CNTN4: variants seen among roughly 807,000 people sequenced by gnomAD.
The protein encoded by CNTN4 is contactin-4.
A neutral mutation model predicts 122.5 loss-of-function variants in CNTN4; 77 were observed. The observed-to-expected ratio is 0.63, with a 90% CI of 0.52 to 0.76. The LOEUF is 0.76. CNTN4 is among the 30% of genes least tolerant of loss of function. The pLI, the probability that CNTN4 is intolerant of heterozygous loss-of-function variation, is 0.00. For missense variants in CNTN4, 1,256 were observed against 1,259.1 expected (o/e 1.00, Z 0.04); for synonymous variants, 512 against 447.0 (o/e 1.15, Z -1.83).
chr3:2,817,005 G>A (rs4342096), intron 6 of CNTN4, among the ~76,000 whole-genome samples: 1 of 152,088 alleles, frequency 6.6e-6, no homozygotes, highest in Non-Finnish European at 1.5e-5. Flanking sequence ...TCTTGACTTA[G>A]AAAAGTATCA....
chr3:2,590,045 G>A (rs933954443), intron 4 of CNTN4, among the ~76,000 whole-genome samples: 6 of 152,166 alleles, frequency 3.9e-5, no homozygotes, highest in Admixed American at 6.5e-5. Flanking sequence ...ATATTTGGAC[G>A]TAATTTCAAA....
chr3:2,841,867 T>C lies in CNTN4; in HGVS notation c.454+22286T>C, dbSNP rs1008433243. ...CCTAGGAGTAGGATCTAATCTTTTA[T>C]ATCACAGTAAGAAGCTGATCAAAGG... On this transcript the variant is annotated intron_variant, in intron 7 of 24. Transcript: ENST00000418658. The surrounding 1 kb of genome is among the most constrained non-coding windows in gnomAD (Gnocchi z 4.8). 6.6e-6 allele frequency among the ~76,000 whole-genome samples: 1 copy of C among 152,202 alleles called. No individual in the cohort carries two copies. Among genetic ancestry groups the C allele is most frequent in the Non-Finnish European group, 1.5e-5 (1 of 68,046 alleles).
At chr3:2,221,415 C>A (rs1378536205) in intron 2 of CNTN4, among the ~76,000 whole-genome samples, 1 of 150,862 alleles carries the variant, frequency 6.6e-6, no homozygotes, top group Non-Finnish European at 1.5e-5. Context: ...AAATTAATTA[C>A]AAATCATCTA....
chr3:2,147,669 C>T (rs2035309418), intron 2 of CNTN4, among the ~76,000 whole-genome samples: 1 of 152,254 alleles, frequency 6.6e-6, no homozygotes, highest in East Asian at 1.9e-4. Context: ...TTCACTGGCT[C>T]ACCATTATCT....
At position 2,672,805 on chromosome 3, in the gene CNTN4, T is replaced by C. The variant is rs1264948314; in HGVS notation, c.56-63410T>C. ...AGGACCCTTAATTGGTTTTTTAACA[T>C]TGAAATTCATTAACTAGTTTAGTAA... On this transcript the variant is annotated intron_variant, in intron 4 of 24. Coordinates refer to ENST00000418658, the MANE Select transcript of CNTN4 (RefSeq NM_175607.3). 2.0e-5 allele frequency among the ~76,000 whole-genome samples: 3 copies of C among 152,344 alleles called. No individual in the cohort carries two copies. In the South Asian group the frequency reaches 6.2e-4, roughly 32 times the overall value.
chr3:2,673,438 T>C (rs998021887), intron 4 of CNTN4, among the ~76,000 whole-genome samples: 2 of 152,166 alleles, frequency 1.3e-5, no homozygotes, highest in South Asian at 2.1e-4. Context: ...TTCCCATCAA[T>C]AGGTGGACTC....
intron 2 of CNTN4, among the ~76,000 whole-genome samples, chr3:2,233,992 G>A (rs76553414): frequency 0.015 from 2,321 of 152,150 alleles, 23 homozygotes; most frequent in Middle Eastern, 0.048. Flanking sequence ...CACGATTCCA[G>A]CAATGCCATA....
intron 3 of CNTN4, among the ~76,000 whole-genome samples, chr3:2,404,833 C>T (rs905045211): frequency 6.6e-6 from 1 of 151,984 alleles, no homozygotes; most frequent in Non-Finnish European, 1.5e-5. Flanking sequence ...CAGTTCTTTA[C>T]CCCCAAAATC....
At chr3:2,647,109 G>A (rs545488731) in intron 4 of CNTN4, among the ~76,000 whole-genome samples, 15 of 152,170 alleles carry the variant, frequency 9.9e-5, no homozygotes, top group Admixed American at 2.6e-4. Context: ...GGCCAGGCAC[G>A]GTGGCTCACA....
intron 3 of CNTN4, among the ~76,000 whole-genome samples, chr3:2,406,258 G>T (rs1204027382): frequency 6.6e-6 from 1 of 152,060 alleles, no homozygotes; most frequent in Non-Finnish European, 1.5e-5. Context: ...TAATATCAAT[G>T]GTAAGACATT....
chr3:2,347,861 T>A (rs889181349), intron 3 of CNTN4, among the ~76,000 whole-genome samples: 1 of 152,128 alleles, frequency 6.6e-6, no homozygotes, highest in African/African-American at 2.4e-5. Context: ...ATCTTTTTTT[T>A]AAGTCATGTT....
chr3:2,966,895 T>C (rs1026895095), intron 13 of CNTN4, among the ~76,000 whole-genome samples: 2 of 152,204 alleles, frequency 1.3e-5, no homozygotes, highest in African/African-American at 2.4e-5. Flanking sequence ...TTTGACTATA[T>C]TGACTGGTGG....
chr3:2,990,173 A>T (rs1694931955), intron 14 of CNTN4, among the ~76,000 whole-genome samples: 1 of 152,236 alleles, frequency 6.6e-6, no homozygotes, highest in Admixed American at 6.5e-5. Flanking sequence ...GTTTATAAAC[A>T]TGTTTTCATA....
At chr3:2,964,310 A>C (rs772334250) in intron 13 of CNTN4, among the ~76,000 whole-genome samples, 1 of 152,320 alleles carries the variant, frequency 6.6e-6, no homozygotes, top group African/African-American at 2.4e-5. Context: ...AATTAGACTG[A>C]GATCTAGCAA....
chr3:2,588,063 TATTA>T (rs2080286928), intron 4 of CNTN4, among the ~76,000 whole-genome samples: 1 of 152,108 alleles, frequency 6.6e-6, no homozygotes, highest in Non-Finnish European at 1.5e-5. Flanking sequence ...TTTAATTTTT[TATTA>T]ATTATGTTTT....
intron 3 of CNTN4, among the ~76,000 whole-genome samples, chr3:2,449,915 A>G (rs2048764563): frequency 6.6e-6 from 1 of 152,192 alleles, no homozygotes; most frequent in African/African-American, 2.4e-5. Flanking sequence ...GAAGCAGGGA[A>G]TGGGATGCAG....
intron 4 of CNTN4, among the ~76,000 whole-genome samples, chr3:2,638,485 C>T (rs760904888): frequency 6.6e-6 from 1 of 151,660 alleles, no homozygotes; most frequent in Non-Finnish European, 1.5e-5. Flanking sequence ...AATGAAGAAA[C>T]ATTTATCTTT....
chr3:2,453,296 T>C (rs1284186932), intron 3 of CNTN4, among the ~76,000 whole-genome samples: 1 of 152,132 alleles, frequency 6.6e-6, no homozygotes, highest in Non-Finnish European at 1.5e-5. Flanking sequence ...GAACTTTTCA[T>C]GTGAATGCCA....
intron 3 of CNTN4, among the ~76,000 whole-genome samples, chr3:2,520,312 G>A (rs954510059): frequency 1.7e-5 from 2 of 118,664 alleles, no homozygotes; most frequent in Non-Finnish European, 3.2e-5. Flanking sequence ...TCACTCTGTA[G>A]CCCAGGCTGG....
Sources: allele counts gnomAD v4.1 joint callset (sites outside exome capture counted in the v4.1 genomes callset), GRCh38; gene constraint gnomAD v4.1.1; non-coding constraint Gnocchi (gnomAD v3.1); transcripts MANE v1.5; gene names NCBI Gene and HGNC (gene_info 2026-07-23, HGNC 2026-07-21).